The following GSAP variants were observed in gnomAD, a reference collection of about 807,000 sequenced individuals.
The protein encoded by GSAP is gamma-secretase activating protein.
GSAP carries 118 observed loss-of-function variants against 131.7 expected under a neutral mutation model. The observed-to-expected ratio is 0.90, with a 90% confidence interval of 0.77 to 1.04. The LOEUF (loss-of-function observed/expected upper bound fraction) is 1.04. GSAP is among the 50% of genes least tolerant of loss of function. GSAP has a pLI of 0.00. For missense variants in GSAP, 1,019 were observed against 1,013.2 expected (o/e 1.01, Z -0.08); for synonymous variants, 381 against 363.4 (o/e 1.05, Z -0.55).
rs577818583 is a variant in GSAP at position 77,328,655 on chromosome 7, A to G, written c.1734-18T>C. On this transcript the variant is annotated intron_variant, in intron 21 of 30. Coordinates refer to ENST00000257626, the MANE Select transcript of GSAP (RefSeq NM_017439.4). The stretch of plus-strand genomic sequence containing the variant: ...AAATCACCCTACGAAGAAATTAGCC[A>G]TGTTATTCACAGACAGCATTGCTTT... 47 of 1,470,434 alleles carry G rather than the reference A, an allele frequency of 3.2e-5. No individual in the cohort carries two copies. In the East Asian group the frequency reaches 5.5e-4, roughly 17 times the overall value. 91.1% of individuals were successfully genotyped at this position (1,470,434 alleles called of 1,614,324 possible).
chr7:77,344,324 C>G (rs1172748367), intron 19 of GSAP, among the ~76,000 whole-genome samples: 1 of 152,142 alleles, frequency 6.6e-6, no homozygotes, highest in Non-Finnish European at 1.5e-5. Context: ...AAAAACACAC[C>G]TCGCCAAGTT....
chr7:77,321,413 G>A lies in GSAP; in HGVS notation c.1924-10C>T, dbSNP rs375257489. On this transcript the variant is annotated splice_polypyrimidine_tract_variant and intron_variant, in intron 24 of 30. Transcript: ENST00000257626. ...GGCAAATGAGATCCAGCTGGAGGGT[G>A]AAGACAGTCCATTAACCATTGCTCC... is the stretch of plus-strand genomic sequence containing the variant. The A allele has an allele frequency of 6.3e-7, 1 of 1,574,960 alleles. No homozygotes were observed. The highest frequency in any genetic ancestry group is 8.7e-7 in the Non-Finnish European group (1 of 1,144,474).
intron 9 of GSAP, 42 bp downstream of exon 9, chr7:77,377,237 TAAAAAAA>T (rs533755073): frequency 6.4e-5 from 57 of 894,464 alleles, no homozygotes; most frequent in South Asian, 2.4e-4. Flanking sequence ...AATATTTTTG[TAAAAAAA>T]AAAAAAAAAA....
In GSAP at chr7:77,330,257, G is replaced by A; in HGVS notation, c.1656C>T (p.His552=). 6.2e-7 allele frequency: 1 copy of A among 1,612,636 alleles called. No individual in the cohort carries two copies. Among genetic ancestry groups the A allele is most frequent in the Non-Finnish European group, 8.5e-7 (1 of 1,179,204 alleles). Reference sequence around the variant, plus strand: ...CTCATACCTCTTCAGAGATCAGGTTGTGCCACTCTCTCCTGACCACACTGT... The same window carrying A: ...CTCATACCTCTTCAGAGATCAGGTTATGCCACTCTCTCCTGACCACACTGT... ...YNNSVVRREW[H]NLISEEKTGK... The change falls in exon 20 of 31, where the codon CAC becomes CAT. Residue 552 remains histidine (H), a synonymous_variant. Transcript: ENST00000257626.
At chr7:77,412,529 C>A (rs1401259376) in intron 1 of GSAP, among the ~76,000 whole-genome samples, 1 of 151,894 alleles carries the variant, frequency 6.6e-6, no homozygotes, top group African/African-American at 2.4e-5. Context: ...ATTAAGAACT[C>A]CTGTTTATCA....
intron 12 of GSAP, among the ~76,000 whole-genome samples, chr7:77,366,404 A>G (rs1795320972): frequency 6.6e-6 from 1 of 151,944 alleles, no homozygotes; most frequent in Non-Finnish European, 1.5e-5. Flanking sequence ...TCTTGAGTTG[A>G]TTTTTGTCTA....
intron 5 of GSAP, among the ~76,000 whole-genome samples, chr7:77,391,104 G>A (rs1200000403): frequency 8.1e-6 from 1 of 122,760 alleles, no homozygotes; most frequent in African/African-American, 3.0e-5. Context: ...TCCAGCGTGG[G>A]CAACAGATGA....
chr7:77,323,872 GA>G (rs1482944940), intron 23 of GSAP, 130 bp from the exon 24 acceptor site: 2 of 524,468 alleles, frequency 3.8e-6, no homozygotes, highest in Non-Finnish European at 6.7e-6. Flanking sequence ...CCCATCAATG[GA>G]AATGCATAAC....
At chr7:77,371,572 C>T (rs1468976114) in intron 12 of GSAP, among the ~76,000 whole-genome samples, 2 of 151,864 alleles carry the variant, frequency 1.3e-5, no homozygotes, top group Non-Finnish European at 2.9e-5. Flanking sequence ...GTAGCTGGGA[C>T]TACAGGCACG....
intron 22 of GSAP, chr7:77,328,324 A>T (rs2150667589): frequency 8.5e-7 from 1 of 1,183,338 alleles, no homozygotes; most frequent in East Asian, 3.8e-5. Flanking sequence ...GGGCACAGCC[A>T]GAGGGCAGCT....
chr7:77,346,137 G>A (rs911941508), intron 19 of GSAP, among the ~76,000 whole-genome samples: 1 of 151,512 alleles, frequency 6.6e-6, no homozygotes. Flanking sequence ...GGGCATAGTG[G>A]TGCACACCTG....
intron 6 of GSAP, among the ~76,000 whole-genome samples, chr7:77,385,642 G>A (rs1385630107): frequency 1.3e-5 from 2 of 152,058 alleles, no homozygotes; most frequent in Non-Finnish European, 2.9e-5. Context: ...CCTGAGGGTA[G>A]GAGAATGCAG....
intron 26 of GSAP, among the ~76,000 whole-genome samples, chr7:77,318,455 T>C (rs1787171842): frequency 1.3e-5 from 2 of 152,212 alleles, no homozygotes; most frequent in African/African-American, 2.4e-5. Context: ...AAATGATGAA[T>C]GGATGAATAT....
intron 5 of GSAP, among the ~76,000 whole-genome samples, chr7:77,391,138 A>AAAAC (rs1161925860): frequency 6.7e-6 from 1 of 148,680 alleles, no homozygotes; most frequent in Non-Finnish European, 1.5e-5. Context: ...AAAAAAAAAA[A>AAAAC]AAAAAAAAAG....
chr7:77,361,128 C>T (rs890535365), intron 13 of GSAP, among the ~76,000 whole-genome samples: 1 of 152,216 alleles, frequency 6.6e-6, no homozygotes, highest in African/African-American at 2.4e-5. Flanking sequence ...TTATTATAAT[C>T]TTAGACCATG....
intron 8 of GSAP, among the ~76,000 whole-genome samples, chr7:77,377,846 G>A (rs1433709682): frequency 3.3e-5 from 5 of 152,176 alleles, no homozygotes; most frequent in Non-Finnish European, 7.3e-5. Flanking sequence ...ACCCCAATTT[G>A]GCCATAAACC....
rs1221487388 is a variant in GSAP at position 77,321,346 on chromosome 7, A to G, written c.1981T>C (p.Trp661Arg). Residue 661 changes from tryptophan to arginine, a missense_variant, in exon 25 of 31, where the codon TGG becomes CGG. By Grantham distance (101) the Trp-to-Arg change is moderately radical (BLOSUM62 -3). Transcript: ENST00000257626. ...TNWRKHNLHS[W>R]VLHFNSRGSA... is the part of the protein sequence containing the mutation. Reference sequence around the variant, plus strand: ...ATACTTGCGTACAAGTGGAGAACCCAGGAATGAAGATTATGTTTCCTCCAA... The same window carrying G: ...ATACTTGCGTACAAGTGGAGAACCCGGGAATGAAGATTATGTTTCCTCCAA... 1.3e-6 allele frequency: 2 copies of G among 1,597,694 alleles called. No individual in the cohort carries two copies. The highest frequency in any genetic ancestry group is 8.6e-7 in the Non-Finnish European group (1 of 1,165,082).
chr7:77,406,407 T>G (rs1051561451), intron 1 of GSAP, among the ~76,000 whole-genome samples: 1 of 152,232 alleles, frequency 6.6e-6, no homozygotes, highest in Non-Finnish European at 1.5e-5. Flanking sequence ...CACTCTTTTC[T>G]GTGTGAATGT....
chr7:77,351,353 A>C (rs1270920883), intron 18 of GSAP: 2 of 955,756 alleles, frequency 2.1e-6, no homozygotes, highest in African/African-American at 3.6e-5. Flanking sequence ...TATCTTAAAA[A>C]ATCCAAGTCA....
Sources: allele counts gnomAD v4.1 joint callset (sites outside exome capture counted in the v4.1 genomes callset), GRCh38; gene constraint gnomAD v4.1.1; transcripts MANE v1.5; gene names NCBI Gene and HGNC (gene_info 2026-07-23, HGNC 2026-07-21).